The following TBCA variants were observed in gnomAD, a reference collection of about 807,000 sequenced individuals.
TBCA encodes the protein tubulin folding cofactor A.
Under a neutral mutation model 15.8 loss-of-function variants are expected in TBCA, and 6 were observed. The observed-to-expected ratio is 0.38, with a 90% confidence interval of 0.21 to 0.75. The LOEUF is 0.75. Ranked by LOEUF, TBCA falls within the 30% of genes least tolerant of loss-of-function variation. TBCA has a pLI of 0.46. For missense variants in TBCA, 90 were observed against 131.2 expected (o/e 0.69, Z 1.53); for synonymous variants, 32 against 42.3 (o/e 0.76, Z 0.94).
intron 1 of TBCA, 102 bp from the exon 2 acceptor site, chr5:77,708,449 T>A: frequency 1.6e-6 from 1 of 633,772 alleles, no homozygotes; most frequent in Non-Finnish European, 2.7e-6. Flanking sequence ...AATACCAAAG[T>A]AGATATACTA....
At chr5:77,714,589 T>C (rs1042577624) in intron 1 of TBCA, among the ~76,000 whole-genome samples, 2 of 144,948 alleles carry the variant, frequency 1.4e-5, no homozygotes, top group African/African-American at 5.3e-5. Context: ...TTTTTTGAGA[T>C]GGAGTCTGTC....
intron 1 of TBCA, among the ~76,000 whole-genome samples, chr5:77,756,621 C>G (rs1747482244): frequency 6.8e-6 from 1 of 146,426 alleles, no homozygotes; most frequent in Non-Finnish European, 1.5e-5. Context: ...AGAACAACTT[C>G]CTAAGAGGAA....
intron 1 of TBCA, among the ~76,000 whole-genome samples, chr5:77,723,357 G>A (rs977304842): frequency 6.6e-6 from 1 of 151,882 alleles, no homozygotes; most frequent in African/African-American, 2.4e-5. Flanking sequence ...GGGCCTTGTA[G>A]AAACTTGAGT....
intron 1 of TBCA, among the ~76,000 whole-genome samples, chr5:77,750,470 A>C (rs1022103575): frequency 6.6e-6 from 1 of 152,192 alleles, no homozygotes; most frequent in Non-Finnish European, 1.5e-5. Flanking sequence ...TGTCTAAAAA[A>C]GGTCTAGTCC....
intron 1 of TBCA, among the ~76,000 whole-genome samples, chr5:77,726,138 G>T (rs951232069): frequency 6.6e-6 from 1 of 152,152 alleles, no homozygotes; most frequent in African/African-American, 2.4e-5. Context: ...TTTATTAAGG[G>T]TATCCGCTGT....
intron 1 of TBCA, among the ~76,000 whole-genome samples, chr5:77,745,066 T>G (rs897737396): frequency 1.3e-5 from 2 of 152,160 alleles, no homozygotes; most frequent in African/African-American, 4.8e-5. Context: ...GACATACACA[T>G]GAAGCGCTTA....
rs575645593 is a variant in TBCA, at chr5:77,752,854, G to A, written c.53+23351C>T. Among the ~76,000 whole-genome samples, 7 of 47,912 alleles carry A rather than the reference G, an allele frequency of 1.5e-4. 2 individuals carry two copies. The East Asian group carries it at 5.8e-3, about 40-fold the overall frequency. The allele number at this position is 47,912 out of a possible 152,430, so 31.4% of individuals were successfully genotyped here. ...ATTACAGGCGTGAGCCACCGCGCCC[G>A]GCCTCCGGCTTATTTTTAATAGAGA... On this transcript the variant is annotated intron_variant, in intron 1 of 3. Coordinates refer to ENST00000380377, the MANE Select transcript of TBCA (RefSeq NM_004607.3).
At chr5:77,699,836 G>C (rs2546164) in intron 2 of TBCA, among the ~76,000 whole-genome samples, 18 of 151,668 alleles carry the variant, frequency 1.2e-4, no homozygotes, top group Non-Finnish European at 1.8e-4. Flanking sequence ...TCAGGAGTTC[G>C]AGACCAGCCT....
chr5:77,738,247 T>C (rs1746954025), intron 1 of TBCA, among the ~76,000 whole-genome samples: 1 of 152,220 alleles, frequency 6.6e-6, no homozygotes, highest in Admixed American at 6.5e-5. Flanking sequence ...AGCATGTATA[T>C]TGCAGTGCTG....
intron 1 of TBCA, among the ~76,000 whole-genome samples, chr5:77,748,548 T>A (rs1561279354): frequency 6.6e-6 from 1 of 151,966 alleles, no homozygotes; most frequent in East Asian, 1.9e-4. Context: ...TTTAAATGGG[T>A]TAGCATCTCT....
chr5:77,755,945 G>T (rs570828453), intron 1 of TBCA, among the ~76,000 whole-genome samples: 1 of 152,260 alleles, frequency 6.6e-6, no homozygotes, highest in East Asian at 1.9e-4. Flanking sequence ...CGGAGGTTGC[G>T]GTGAGCAGTG....
At chr5:77,749,653 A>G (rs1226014606) in intron 1 of TBCA, among the ~76,000 whole-genome samples, 2 of 152,224 alleles carry the variant, frequency 1.3e-5, no homozygotes, top group South Asian at 2.1e-4. Context: ...CAATTTGCCA[A>G]TATCTCTCAA....
chr5:77,761,310 G>C (rs1747630822), intron 1 of TBCA, among the ~76,000 whole-genome samples: 1 of 152,098 alleles, frequency 6.6e-6, no homozygotes, highest in Admixed American at 6.5e-5. Context: ...TTCTGCCTTG[G>C]GATGCTGTTA....
At chr5:77,733,268 A>C (rs1425580979) in intron 1 of TBCA, among the ~76,000 whole-genome samples, 1 of 152,200 alleles carries the variant, frequency 6.6e-6, no homozygotes, top group Non-Finnish European at 1.5e-5. Context: ...GCAACAGAAC[A>C]AGACTCTATC....
chr5:77,761,797 T>C (rs986369347), intron 1 of TBCA, among the ~76,000 whole-genome samples: 1 of 152,238 alleles, frequency 6.6e-6, no homozygotes, highest in Middle Eastern at 3.4e-3. Flanking sequence ...AAGGACTTTG[T>C]TTTTGTCTCT....
chr5:77,774,808 T>C (rs1427867474), intron 1 of TBCA, among the ~76,000 whole-genome samples: 2 of 152,100 alleles, frequency 1.3e-5, no homozygotes. Flanking sequence ...GGTACTTTCT[T>C]GGTTTACAGG....
chr5:77,760,801 C>T (rs897979681), intron 1 of TBCA, among the ~76,000 whole-genome samples: 4 of 152,224 alleles, frequency 2.6e-5, no homozygotes, highest in Non-Finnish European at 4.4e-5. Context: ...CCTGCCTTGG[C>T]CTCCCAAAGT....
intron 1 of TBCA, among the ~76,000 whole-genome samples, chr5:77,761,950 C>T (rs1345193266): frequency 1.3e-5 from 2 of 152,220 alleles, no homozygotes; most frequent in Non-Finnish European, 2.9e-5. Context: ...GAAATTTACC[C>T]TGTTTAGATT....
At chr5:77,765,185 A>T (rs996052680) in intron 1 of TBCA, among the ~76,000 whole-genome samples, 1 of 152,214 alleles carries the variant, frequency 6.6e-6, no homozygotes, top group Non-Finnish European at 1.5e-5. Flanking sequence ...TTCTACATTC[A>T]ATCTGTTGCA....
Sources: gnomAD v4.1 joint callset for allele counts (sites outside exome capture counted in the v4.1 genomes callset) on GRCh38, gnomAD v4.1.1 for gene constraint, MANE v1.5 for transcripts, NCBI Gene and HGNC (gene_info 2026-07-23, HGNC 2026-07-21) for gene names.